HYDIN: variants seen among roughly 807,000 people sequenced by gnomAD.
HYDIN encodes HYDIN axonemal central pair apparatus protein.
A neutral mutation model predicts 403.9 loss-of-function variants in HYDIN; 132 were observed. That is an observed-to-expected ratio of 0.33 (90% CI 0.28 to 0.38). The LOEUF is 0.38. Ranked by LOEUF, HYDIN falls within the 10% of genes least tolerant of loss-of-function variation. The probability of loss-of-function intolerance (pLI) is 1.00; values close to 1 mark genes in which losing one functional copy is unlikely to be tolerated. For missense variants in HYDIN, 2,827 were observed against 5,009.5 expected (o/e 0.56, Z 13.15); for synonymous variants, 1,202 against 1,891.7 (o/e 0.64, Z 9.46).
intron 13 of HYDIN, among the ~76,000 whole-genome samples, chr16:71,076,540 C>A (rs1473493171): frequency 9.4e-6 from 1 of 106,944 alleles, no homozygotes; most frequent in Non-Finnish European, 1.7e-5. Flanking sequence ...TGTGGGAACA[C>A]ATGAGAAATA....
chr16:71,217,549 T>TA (rs1371168828), intron 1 of HYDIN, among the ~76,000 whole-genome samples: 1 of 152,196 alleles, frequency 6.6e-6, no homozygotes, highest in Non-Finnish European at 1.5e-5. Context: ...GACTCATTTT[T>TA]AAAGGTCAAT....
At chr16:71,083,734 G>C (rs1165273264) in intron 12 of HYDIN, among the ~76,000 whole-genome samples, 1 of 152,118 alleles carries the variant, frequency 6.6e-6, no homozygotes, top group Admixed American at 6.6e-5. Context: ...ACTTTGCGTA[G>C]TGTGATGAAG....
chr16:71,195,845 T>A (rs2087672522), intron 1 of HYDIN, among the ~76,000 whole-genome samples: 1 of 150,844 alleles, frequency 6.6e-6, no homozygotes, highest in Admixed American at 6.6e-5. Context: ...TGAAAAGGAG[T>A]TTTTCCAAAG....
chr16:71,061,371 T>G (rs537126020), intron 17 of HYDIN, among the ~76,000 whole-genome samples: 2 of 152,256 alleles, frequency 1.3e-5, no homozygotes, highest in South Asian at 4.1e-4. Flanking sequence ...AATCCTAGTG[T>G]TTTACGCTGT....
At chr16:71,012,327 T>C (rs1198814033) in intron 23 of HYDIN, among the ~76,000 whole-genome samples, 2 of 152,246 alleles carry the variant, frequency 1.3e-5, no homozygotes, top group Non-Finnish European at 2.9e-5. Flanking sequence ...CATGCAGATG[T>C]GGGAGGGGGA....
intron 23 of HYDIN, among the ~76,000 whole-genome samples, chr16:71,007,491 T>G (rs1236072986): frequency 6.6e-6 from 1 of 152,036 alleles, no homozygotes; most frequent in Non-Finnish European, 1.5e-5. Flanking sequence ...GGCTTTGCAG[T>G]CAGTGCAGAA....
At chr16:71,131,118 C>T (rs1288339438) in intron 8 of HYDIN, among the ~76,000 whole-genome samples, 68 of 59,202 alleles carry the variant, frequency 1.1e-3, no homozygotes, top group Middle Eastern at 4.6e-3. Flanking sequence ...CACTGAATTC[C>T]TGTCCCAGTT....
intron 23 of HYDIN, among the ~76,000 whole-genome samples, chr16:71,003,257 G>C (rs1344273836): frequency 6.6e-6 from 1 of 152,084 alleles, no homozygotes. Context: ...GGATCAACCT[G>C]TCAGGATTCT....
At chr16:70,884,531 CTGTT>C (rs1378646299) in intron 58 of HYDIN, among the ~76,000 whole-genome samples, 2 of 152,060 alleles carry the variant, frequency 1.3e-5, no homozygotes, top group Admixed American at 6.6e-5. Context: ...TAAATATTGA[CTGTT>C]TGACCTTAAA....
intron 2 of HYDIN, 38 bp downstream of exon 2, chr16:71,186,723 C>A (rs765816628): frequency 6.5e-7 from 1 of 1,545,906 alleles, no homozygotes; most frequent in African/African-American, 1.4e-5. Context: ...AAGGAGATTG[C>A]ATTAAGTATT....
intron 1 of HYDIN, among the ~76,000 whole-genome samples, chr16:71,219,040 A>C (rs2089046746): frequency 6.6e-6 from 1 of 152,210 alleles, no homozygotes; most frequent in South Asian, 2.1e-4. Flanking sequence ...GACATCAATA[A>C]AAATAGCTTA....
intron 53 of HYDIN, among the ~76,000 whole-genome samples, chr16:70,898,223 T>C (rs965528800): frequency 6.6e-6 from 1 of 151,462 alleles, no homozygotes; most frequent in Non-Finnish European, 1.5e-5. Context: ...TACCAGTTGG[T>C]AAGCAGCTGT....
chr16:71,217,656 T>A (rs892560641), intron 1 of HYDIN, among the ~76,000 whole-genome samples: 3 of 152,204 alleles, frequency 2.0e-5, no homozygotes, highest in African/African-American at 2.4e-5. Context: ...CATAATAAGG[T>A]GCAGATGGTT....
rs558674237 is a variant in HYDIN, at chr16:71,035,740, G to A, written c.2530-3823C>T. ...TGGGCCCACATGAATTCCAATTGGTGACAGGTGTGAGGATGGGCTTCTGCT... is the reference window on the plus strand; with the variant it reads ...TGGGCCCACATGAATTCCAATTGGTAACAGGTGTGAGGATGGGCTTCTGCT... On this transcript the variant is annotated intron_variant, in intron 18 of 85. Transcript: ENST00000393567. Among the ~76,000 whole-genome samples, 624 of 152,314 alleles carry A rather than the reference G, an allele frequency of 4.1e-3. 5 individuals are homozygous for A. Among genetic ancestry groups the A allele is most frequent in the African/African-American group, 0.014 (582 of 41,562 alleles).
chr16:70,831,527 A>AC (rs144160750), intron 80 of HYDIN, among the ~76,000 whole-genome samples: 2 of 137,284 alleles, frequency 1.5e-5, no homozygotes, highest in East Asian at 2.1e-4. Context: ...AAAAAAAAAA[A>AC]CCAAAAAAAA....
chr16:71,141,810 G>A (rs1348945285), intron 7 of HYDIN, among the ~76,000 whole-genome samples: 1 of 152,138 alleles, frequency 6.6e-6, no homozygotes, highest in African/African-American at 2.4e-5. Context: ...GCACTTGTAG[G>A]TATTTATCCT....
intron 5 of HYDIN, among the ~76,000 whole-genome samples, chr16:71,165,287 C>G (rs2086170992): frequency 1.3e-5 from 2 of 151,764 alleles, no homozygotes; most frequent in African/African-American, 4.9e-5. Flanking sequence ...CCCTTCAGAG[C>G]CTTTGCACAT....
At chr16:70,808,172 G>T (rs1434470006) in intron 85 of HYDIN, 110 bp from the exon 86 acceptor site, 6 of 1,230,496 alleles carry the variant, frequency 4.9e-6, no homozygotes, top group Non-Finnish European at 6.8e-6. Context: ...CTATGTCTGT[G>T]TGAGACTGGG....
chr16:70,951,305 A>AG (rs1567892563), intron 41 of HYDIN, among the ~76,000 whole-genome samples: 1 of 151,764 alleles, frequency 6.6e-6, no homozygotes, highest in African/African-American at 2.4e-5. Flanking sequence ...AGAGAGAGAG[A>AG]AACTTCACAA....
Sources: allele counts gnomAD v4.1 joint callset (sites outside exome capture counted in the v4.1 genomes callset), GRCh38; gene constraint gnomAD v4.1.1; transcripts MANE v1.5; gene names NCBI Gene and HGNC (gene_info 2026-07-23, HGNC 2026-07-21).